The following PPP1R15B variants were observed in gnomAD, a reference collection of about 807,000 sequenced individuals.
The protein encoded by PPP1R15B is protein phosphatase 1 regulatory subunit 15B, also known as protein phosphatase 1, regulatory (inhibitor) subunit 15B.
PPP1R15B carries 31 observed loss-of-function variants against 53.9 expected under a neutral mutation model. That is an observed-to-expected ratio of 0.58 (90% CI 0.43 to 0.78). The LOEUF is 0.78. Ranked by LOEUF, PPP1R15B falls within the 30% of genes least tolerant of loss-of-function variation. The pLI, the probability that PPP1R15B is intolerant of heterozygous loss-of-function variation, is 0.00. For synonymous variants in PPP1R15B, 345 were observed against 329.1 expected (o/e 1.05, Z -0.52); for missense variants, 928 against 849.6 (o/e 1.09, Z -1.15).
chr1:204,407,980 A>G (rs767549653), intron 1 of PPP1R15B, among the ~76,000 whole-genome samples: 31 of 152,178 alleles, frequency 2.0e-4, no homozygotes, highest in South Asian at 6.2e-4. Context: ...CACTCATTTC[A>G]TTTTACTCAA....
chr1:204,401,089 T>C (rs1350327088), downstream of PPP1R15B, among the ~76,000 whole-genome samples: 1 of 152,250 alleles, frequency 6.6e-6, no homozygotes, highest in Admixed American at 6.5e-5. Flanking sequence ...GTAACTCAAA[T>C]TGCTTACATG....
downstream of PPP1R15B, among the ~76,000 whole-genome samples, chr1:204,400,008 G>A (rs1674149655): frequency 6.6e-6 from 1 of 152,070 alleles, no homozygotes; most frequent in Non-Finnish European, 1.5e-5. Context: ...CACTTTGGGA[G>A]GCCAAGGTGG....
At position 204,406,261 on chromosome 1, in the gene PPP1R15B, C is replaced by T. The variant is rs759466766; in HGVS notation, c.1973G>A (p.Arg658His). 5 of 1,614,044 alleles carry T rather than the reference C, an allele frequency of 3.1e-6. No homozygotes were observed. The highest frequency in any genetic ancestry group is 4.2e-6 in the Non-Finnish European group (5 of 1,179,968). The change falls in exon 2 of 2, where the codon CGC becomes CAC. Residue 658 changes from arginine to histidine, a missense_variant. Physicochemically the swap from Arg to His is conservative, Grantham distance 29 (BLOSUM62 0). Transcript: ENST00000367188. ...TGCAAATTCTTCCCATGGTCCTTTG[C>T]GATCCTCATCACCACTTATATAATA... ...TEYYISGDED[R>H]KGPWEEFARD...
downstream of PPP1R15B, among the ~76,000 whole-genome samples, chr1:204,397,107 G>A: frequency 6.6e-6 from 1 of 152,092 alleles, no homozygotes; most frequent in Admixed American, 6.5e-5. Context: ...AGGATTGCCT[G>A]AGCCCAGGAG....
At chr1:204,399,270 TA>T (rs928617068), downstream of PPP1R15B, among the ~76,000 whole-genome samples, 3 of 151,646 alleles carry the variant, frequency 2.0e-5, no homozygotes, top group African/African-American at 4.8e-5. Context: ...TTATATATAT[TA>T]AAAAAAAGAG....
downstream of PPP1R15B, among the ~76,000 whole-genome samples, chr1:204,402,487 A>C (rs1240154154): frequency 6.6e-6 from 1 of 152,140 alleles, no homozygotes; most frequent in East Asian, 1.9e-4. Context: ...AGCTCACTGC[A>C]GGCTTGAACT....
chr1:204,402,034 T>C (rs191578815), downstream of PPP1R15B, among the ~76,000 whole-genome samples: 39 of 152,336 alleles, frequency 2.6e-4, no homozygotes, highest in East Asian at 6.6e-3. Context: ...AGGATAAGCA[T>C]AGCAATAAAT....
chr1:204,405,138 T>C lies in PPP1R15B; in HGVS notation c.*954A>G, dbSNP rs1674243305. On this transcript the variant is annotated 3_prime_UTR_variant, in exon 2 of 2. Coordinates refer to ENST00000367188, the MANE Select transcript of PPP1R15B (RefSeq NM_032833.5). ...GCTGAGGCATGATATTCATTAACACTGGTTTTCTGTTGAGAACATATACAC... is the reference window on the plus strand; with the variant it reads ...GCTGAGGCATGATATTCATTAACACCGGTTTTCTGTTGAGAACATATACAC... 1.0e-6 allele frequency: 1 copy of C among 985,874 alleles called. No individual in the cohort carries two copies. Among genetic ancestry groups the C allele is most frequent in the Admixed American group, 6.1e-5 (1 of 16,294 alleles). 61.1% of individuals were successfully genotyped at this position (985,874 alleles called of 1,614,324 possible). A position where few individuals can be genotyped will look rare whatever the true frequency, so the allele number is the denominator to read the frequency against.
In PPP1R15B at chr1:204,405,274, T is replaced by C. The variant is rs1389939875; in HGVS notation, c.*818A>G. On this transcript the variant is annotated 3_prime_UTR_variant, in exon 2 of 2. Coordinates refer to ENST00000367188, the MANE Select transcript of PPP1R15B (RefSeq NM_032833.5). ...GTAATTATTACTTTCCAGAGTGTTT[T>C]GCAATAACTTCAACCTGTTAAGAGA... 2.0e-6 allele frequency: 2 copies of C among 978,458 alleles called. No individual in the cohort carries two copies. Among genetic ancestry groups the C allele is most frequent in the South Asian group, 4.7e-5 (1 of 21,146 alleles). The allele number at this position is 978,458 out of a possible 1,614,324, so 60.6% of individuals were successfully genotyped here.
chr1:204,397,501 G>A (rs1009400522), downstream of PPP1R15B, among the ~76,000 whole-genome samples: 1 of 152,084 alleles, frequency 6.6e-6, no homozygotes. Flanking sequence ...ACTCCAGCTT[G>A]TCTCAAATAA....
Position 204,410,451 on chromosome 1 carries a change from CATT to C in PPP1R15B, c.958_960del (p.Asn320del), listed in dbSNP as rs751024564. Reference sequence around the variant, plus strand: ...TGTTCCTCCTCCAGGCTGTGGTAGCCATTATCCTGGTCAGGGGTGGGTAAATCT... The same window carrying C: ...TGTTCCTCCTCCAGGCTGTGGTAGCCATCCTGGTCAGGGGTGGGTAAATCT... On this transcript the variant is annotated inframe_deletion, in exon 1 of 2. Coordinates refer to ENST00000367188, the MANE Select transcript of PPP1R15B (RefSeq NM_032833.5). 1.2e-6 allele frequency: 2 copies of C among 1,614,210 alleles called. No homozygotes were observed. Among genetic ancestry groups the C allele is most frequent in the Non-Finnish European group, 1.7e-6 (2 of 1,180,030 alleles).
Position 204,406,249 on chromosome 1 carries a change from C to A in PPP1R15B, c.1985G>T (p.Trp662Leu). The part of the protein sequence containing the change: ...ISGDEDRKGP[W>L]EEFARDGCRF... ...GCATCCATCCCTTGCAAATTCTTCC[C>A]ATGGTCCTTTGCGATCCTCATCACC... The change falls in exon 2 of 2, where the codon TGG becomes TTG. Residue 662 changes from tryptophan to leucine, a missense_variant. Physicochemically the swap from Trp to Leu is moderately conservative, Grantham distance 61 (BLOSUM62 -2). Transcript: ENST00000367188. 6.2e-7 allele frequency: 1 copy of A among 1,614,158 alleles called. No homozygotes were observed. The highest frequency in any genetic ancestry group is 8.5e-7 in the Non-Finnish European group (1 of 1,180,026).
At chr1:204,407,887 G>C (rs1043899273) in intron 1 of PPP1R15B, among the ~76,000 whole-genome samples, 2 of 152,112 alleles carry the variant, frequency 1.3e-5, no homozygotes, top group African/African-American at 4.8e-5. Context: ...GGTAGTCAAA[G>C]GCTGTCAAAT....
rs2103449383 is a variant in PPP1R15B, at chr1:204,410,735, G to A, written c.677C>T (p.Ser226Phe). 1 of 1,614,200 alleles carries A rather than the reference G, an allele frequency of 6.2e-7. No individual in the cohort carries two copies. Among genetic ancestry groups the A allele is most frequent in the African/African-American group, 1.3e-5 (1 of 75,038 alleles). ...TAGCCTAGGAAAGCAGTCCAGGTAG[G>A]AAGGGTTCAGCAAATAGGATACCAC... is the stretch of plus-strand genomic sequence containing the variant. ...FSVVSYLLNP[S>F]YLDCFPRLEV... Residue 226 changes from serine to phenylalanine, a missense_variant, in exon 1 of 2, where the codon TCC becomes TTC. Physicochemically the swap from Ser to Phe is radical, Grantham distance 155. Coordinates refer to ENST00000367188, the MANE Select transcript of PPP1R15B (RefSeq NM_032833.5).
In PPP1R15B at chr1:204,405,489, G is replaced by C; in HGVS notation, c.*603C>G. ...GTAGAACTTAATGTAGAAATAAAAA[G>C]GCTACCACATATTTTCAATCCAAGT... On this transcript the variant is annotated 3_prime_UTR_variant, in exon 2 of 2. Coordinates refer to ENST00000367188, the MANE Select transcript of PPP1R15B (RefSeq NM_032833.5). 1 of 983,238 alleles carries C rather than the reference G, an allele frequency of 1.0e-6. No homozygotes were observed. Among genetic ancestry groups the C allele is most frequent in the Non-Finnish European group, 1.2e-6 (1 of 828,388 alleles). 60.9% of individuals were successfully genotyped at this position (983,238 alleles called of 1,614,324 possible).
rs1558214378 is a variant in PPP1R15B, at chr1:204,404,174, C to T, written c.*1918G>A. ...GCCTGTTTTCATGTTATTAGACCAT[C>T]CTGTAAATGTGCTCCCTATGATTAC... is the stretch of plus-strand genomic sequence containing the variant. On this transcript the variant is annotated 3_prime_UTR_variant, in exon 2 of 2. Coordinates refer to ENST00000367188, the MANE Select transcript of PPP1R15B (RefSeq NM_032833.5). 15 of 985,360 alleles carry T rather than the reference C, an allele frequency of 1.5e-5. No homozygotes were observed. The South Asian group carries it at 7.0e-4, about 46-fold the overall frequency. 61.0% of individuals were successfully genotyped at this position (985,360 alleles called of 1,614,324 possible).
downstream of PPP1R15B, among the ~76,000 whole-genome samples, chr1:204,398,267 C>T (rs1674122788): frequency 6.6e-6 from 1 of 152,128 alleles, no homozygotes; most frequent in African/African-American, 2.4e-5. Context: ...CTCTTGAAGC[C>T]AGGAGTTTGA....
intron 1 of PPP1R15B, among the ~76,000 whole-genome samples, chr1:204,408,841 T>C (rs749675400): frequency 5.3e-5 from 8 of 152,216 alleles, no homozygotes; most frequent in Non-Finnish European, 7.3e-5. Flanking sequence ...TATTAACCTG[T>C]AGCTGACCAC....
chr1:204,410,981 T>G lies in PPP1R15B; in HGVS notation c.431A>C (p.Glu144Ala), dbSNP rs1572258167. ...CGAGTATTGCCAGTGGATCCCCTCCTCTAGCCAATCAAGGGGACTGGTGAC... is the reference window on the plus strand; with the variant it reads ...CGAGTATTGCCAGTGGATCCCCTCCGCTAGCCAATCAAGGGGACTGGTGAC... ...PSVTSPLDWL[E>A]EGIHWQYSPP... The change falls in exon 1 of 2, where the codon GAG becomes GCG. Residue 144 changes from glutamate to alanine, a missense_variant. Glu to Ala is a moderately radical substitution (Grantham distance 107). Transcript: ENST00000367188. 1 of 1,614,128 alleles carries G rather than the reference T, an allele frequency of 6.2e-7. No homozygotes were observed. The highest frequency in any genetic ancestry group is 2.2e-5 in the East Asian group (1 of 44,878).
Sources: gnomAD v4.1 joint callset for allele counts (sites outside exome capture counted in the v4.1 genomes callset) on GRCh38, gnomAD v4.1.1 for gene constraint, MANE v1.5 for transcripts, NCBI Gene and HGNC (gene_info 2026-07-23, HGNC 2026-07-21) for gene names.